ESF1: variants seen among roughly 807,000 people sequenced by gnomAD.
ESF1 encodes ESF1 homolog.
In ESF1, 58 loss-of-function variants were observed where a neutral mutation model predicts 92.0. That is an observed-to-expected ratio of 0.63 (90% confidence interval 0.51 to 0.78). The LOEUF (loss-of-function observed/expected upper bound fraction) is 0.78. Ranked by LOEUF, ESF1 falls within the 30% of genes least tolerant of loss-of-function variation. ESF1 has a pLI of 0.00. For synonymous variants in ESF1, 321 were observed against 313.7 expected (o/e 1.02, Z -0.24); for missense variants, 922 against 989.1 (o/e 0.93, Z 0.91).
chr20:13,768,227 C>CT (rs1257928367), intron 7 of ESF1, among the ~76,000 whole-genome samples: 2 of 152,194 alleles, frequency 1.3e-5, no homozygotes, highest in Non-Finnish European at 2.9e-5. Context: ...CTACCAGTCC[C>CT]TCCTCAGAGA....
intron 9 of ESF1, among the ~76,000 whole-genome samples, chr20:13,747,810 C>A (rs1339353479): frequency 6.6e-6 from 1 of 152,090 alleles, no homozygotes; most frequent in East Asian, 1.9e-4. Flanking sequence ...AATGTTAAGA[C>A]CTTTTTATCA....
At chr20:13,753,539 C>T (rs1197768059) in intron 9 of ESF1, among the ~76,000 whole-genome samples, 1 of 151,720 alleles carries the variant, frequency 6.6e-6, no homozygotes, top group Non-Finnish European at 1.5e-5. Flanking sequence ...ATGCTCTTCT[C>T]ATTTTAATTT....
At chr20:13,743,252 G>C (rs1305343592) in intron 9 of ESF1, among the ~76,000 whole-genome samples, 1 of 152,154 alleles carries the variant, frequency 6.6e-6, no homozygotes, top group Non-Finnish European at 1.5e-5. Context: ...GATAACAAAT[G>C]CTGGTGAGGG....
At chr20:13,753,062 C>T (rs1978711568) in intron 9 of ESF1, among the ~76,000 whole-genome samples, 1 of 152,118 alleles carries the variant, frequency 6.6e-6, no homozygotes, top group African/African-American at 2.4e-5. Flanking sequence ...CATTCACATC[C>T]CTACCACTAT....
intron 9 of ESF1, among the ~76,000 whole-genome samples, chr20:13,758,094 G>A (rs549204756): frequency 6.6e-5 from 10 of 152,096 alleles, no homozygotes; most frequent in Non-Finnish European, 1.5e-4. Context: ...CCTTAAAGCA[G>A]CCTTCAGTTC....
chr20:13,763,869 T>C (rs1255132074), intron 8 of ESF1, among the ~76,000 whole-genome samples: 2 of 152,222 alleles, frequency 1.3e-5, no homozygotes, highest in East Asian at 3.8e-4. Context: ...TGTATTAATA[T>C]GAGATGTCTG....
In ESF1 at chr20:13,728,456, C is replaced by A; in HGVS notation, c.1960G>T (p.Glu654Ter). The A allele has an allele frequency of 6.2e-7, 1 of 1,607,866 alleles. No homozygotes were observed. Among genetic ancestry groups the A allele is most frequent in the Non-Finnish European group, 8.5e-7 (1 of 1,176,998 alleles). Residue 654 changes from glutamate (E) to a stop codon, truncating the protein, a stop_gained, in exon 11 of 14, where the codon GAA (glutamate) becomes TAA (stop). Coordinates refer to ENST00000617257, the MANE Select transcript of ESF1 (RefSeq NM_001276380.2). LOFTEE classifies it high-confidence loss of function. ...GGAAGTTCCTCTTCACTGGCCTCTT[C>A]AGCAAGAGCCTTAAAAGTTGAATAT... ...RLKRKQKALA[E>*]EASEEELPSD...
At chr20:13,768,672 G>A (rs544074446) in intron 7 of ESF1, among the ~76,000 whole-genome samples, 132 of 151,650 alleles carry the variant, frequency 8.7e-4, no homozygotes, top group Middle Eastern at 6.9e-3. Context: ...AGAGGGGGGC[G>A]GATCATCTGA....
rs540002988 is a variant in ESF1 at position 13,780,056 on chromosome 20, G to T, written c.637+2448C>A. On this transcript the variant is annotated intron_variant, in intron 2 of 13. Transcript: ENST00000617257. ...ATAACTGATGAATGGATAATGAACA[G>T]AAGATTATATATGGAGCCGTGTAAT... is the stretch of plus-strand genomic sequence containing the variant. 7.2e-5 allele frequency among the ~76,000 whole-genome samples: 11 copies of T among 152,266 alleles called. No homozygotes were observed. The East Asian group carries it at 1.9e-3, about 27-fold the overall frequency.
chr20:13,745,445 G>A (rs1056454240), intron 9 of ESF1, among the ~76,000 whole-genome samples: 11 of 152,126 alleles, frequency 7.2e-5, no homozygotes, highest in Admixed American at 3.9e-4. Flanking sequence ...AAAATAGAAT[G>A]TTTAATTTTA....
chr20:13,734,462 A>C (rs537104413), intron 9 of ESF1, among the ~76,000 whole-genome samples: 13 of 152,300 alleles, frequency 8.5e-5, no homozygotes. Flanking sequence ...ATTTCATCAT[A>C]TGGTTTAGCT....
chr20:13,739,012 C>T (rs1159603040), intron 9 of ESF1, among the ~76,000 whole-genome samples: 2 of 152,136 alleles, frequency 1.3e-5, no homozygotes, highest in African/African-American at 2.4e-5. Flanking sequence ...GTGCACTTAA[C>T]ACTATGAGAA....
At chr20:13,756,533 C>T (rs1366975422) in intron 9 of ESF1, among the ~76,000 whole-genome samples, 1 of 152,154 alleles carries the variant, frequency 6.6e-6, no homozygotes, top group Non-Finnish European at 1.5e-5. Context: ...TATTCATGCC[C>T]TTTCTTAGTA....
At chr20:13,741,658 T>C (rs1184595891) in intron 9 of ESF1, among the ~76,000 whole-genome samples, 1 of 152,150 alleles carries the variant, frequency 6.6e-6, no homozygotes, top group African/African-American at 2.4e-5. Context: ...AGGACTTAAA[T>C]GTCCCAAACC....
chr20:13,775,410 T>C, intron 3 of ESF1, 140 bp from the exon 4 acceptor site: 3 of 518,758 alleles, frequency 5.8e-6, no homozygotes, highest in Non-Finnish European at 9.9e-6. Context: ...CGTAATTCAG[T>C]ATATAAAAGA....
At position 13,733,688 on chromosome 20, in the gene ESF1, C is replaced by A; in HGVS notation, c.1950+33G>T. The A allele has an allele frequency of 1.9e-6, 3 of 1,599,208 alleles. No individual in the cohort carries two copies. The South Asian group carries it at 3.4e-5, about 18-fold the overall frequency. On this transcript the variant is annotated intron_variant, in intron 10 of 13. Transcript: ENST00000617257. ...TACCATCTGATATATGGTTGGTATT[C>A]AACAAACATTTGGTCATAATTATCA...
chr20:13,754,944 G>C (rs1417354328), intron 9 of ESF1, among the ~76,000 whole-genome samples: 1 of 152,166 alleles, frequency 6.6e-6, no homozygotes, highest in Non-Finnish European at 1.5e-5. Flanking sequence ...TAGCTTCAAG[G>C]ATACTCCTAT....
In ESF1 at chr20:13,776,130, T is replaced by C. The variant is rs1434393527; in HGVS notation, c.778A>G (p.Thr260Ala). The C allele has an allele frequency of 3.1e-6, 5 of 1,613,840 alleles. No homozygotes were observed. Among genetic ancestry groups the C allele is most frequent in the Admixed American group, 1.7e-5 (1 of 59,998 alleles). ...GSDEESENEITSVGRASGDDD... is the reference protein window; with the variant it reads ...GSDEESENEIASVGRASGDDD... ...TCACCTGAAGCTCTACCAACACTTG[T>C]AATTTCATTTTCAGATTCCTCATCA... is the stretch of plus-strand genomic sequence containing the variant. The change falls in exon 3 of 14, where the codon ACA becomes GCA. Residue 260 changes from threonine to alanine, a missense_variant. Coordinates refer to ENST00000617257, the MANE Select transcript of ESF1 (RefSeq NM_001276380.2).
intron 9 of ESF1, among the ~76,000 whole-genome samples, chr20:13,748,847 A>C (rs898298962): frequency 6.6e-5 from 10 of 151,970 alleles, no homozygotes; most frequent in African/African-American, 2.4e-4. Context: ...TCAGCCTCCC[A>C]AAGTGCTGGG....
Sources: gnomAD v4.1 joint callset for allele counts (sites outside exome capture counted in the v4.1 genomes callset) on GRCh38, gnomAD v4.1.1 for gene constraint, MANE v1.5 for transcripts, NCBI Gene and HGNC (gene_info 2026-07-23, HGNC 2026-07-21) for gene names.